The following DNAH3 variants were observed in gnomAD, a reference collection of about 807,000 sequenced individuals.
DNAH3 encodes dynein axonemal heavy chain 3, also known as axonemal beta dynein heavy chain 3.
Under a neutral mutation model 432.5 loss-of-function variants are expected in DNAH3, and 332 were observed. The observed-to-expected ratio is 0.77, with a 90% confidence interval of 0.70 to 0.84. DNAH3 has a LOEUF of 0.84. DNAH3 is among the 40% of genes least tolerant of loss of function. The pLI is 0.00. For missense variants in DNAH3, 4,861 were observed against 5,114.0 expected (o/e 0.95, Z 1.51); for synonymous variants, 1,956 against 1,900.2 (o/e 1.03, Z -0.76).
intron 44 of DNAH3, among the ~76,000 whole-genome samples, chr16:20,994,623 C>A (rs1415636659): frequency 6.6e-6 from 1 of 152,158 alleles, no homozygotes; most frequent in African/African-American, 2.4e-5. Context: ...AAAAATCATT[C>A]ATTCATTCAA....
intron 1 of DNAH3, among the ~76,000 whole-genome samples, chr16:21,147,202 C>T (rs1328714607): frequency 6.6e-6 from 1 of 151,628 alleles, no homozygotes; most frequent in Non-Finnish European, 1.5e-5. Flanking sequence ...AAGGAGGTGA[C>T]TTTAAAAACA....
intron 1 of DNAH3, among the ~76,000 whole-genome samples, chr16:21,156,205 T>TTTTATTTTA (rs1567889564): frequency 2.5e-4 from 34 of 135,668 alleles, no homozygotes; most frequent in African/African-American, 9.8e-4. Context: ...ATTTTATTTA[T>TTTTATTTTA]TTTATTTTAT....
intron 58 of DNAH3, among the ~76,000 whole-genome samples, chr16:20,943,572 C>T (rs1306308268): frequency 6.6e-6 from 1 of 152,136 alleles, no homozygotes; most frequent in East Asian, 1.9e-4. Flanking sequence ...CTCAAAAAGA[C>T]AGTTTCGGGT....
At chr16:20,953,691 C>T (rs1157237388) in intron 55 of DNAH3, among the ~76,000 whole-genome samples, 1 of 152,086 alleles carries the variant, frequency 6.6e-6, no homozygotes, top group Non-Finnish European at 1.5e-5. Flanking sequence ...CCCACCTCAG[C>T]CTCCCAAGTA....
intron 25 of DNAH3, 58 bp downstream of exon 25, chr16:21,062,424 C>A: frequency 6.9e-7 from 1 of 1,455,912 alleles, no homozygotes; most frequent in Non-Finnish European, 9.6e-7. Flanking sequence ...TTAGCCAATA[C>A]GCTCTCTGAT....
At chr16:20,976,956 C>G (rs546889740) in intron 50 of DNAH3, among the ~76,000 whole-genome samples, 4 of 152,344 alleles carry the variant, frequency 2.6e-5, no homozygotes, top group Admixed American at 2.6e-4. Context: ...GCAGCCCAAG[C>G]TGACTAAGAC....
chr16:21,036,818 C>T (rs762383248), exon 35 of DNAH3: 6 of 1,610,976 alleles, frequency 3.7e-6, no homozygotes, highest in South Asian at 2.2e-5. Flanking sequence ...TTTGGAAGAA[C>T]AACTCCAGGA....
chr16:21,099,276 A>G (rs988627936), intron 16 of DNAH3, among the ~76,000 whole-genome samples: 8 of 124,994 alleles, frequency 6.4e-5, no homozygotes, highest in Non-Finnish European at 1.1e-4. Context: ...ATGGATGGAC[A>G]GATGGATGGA....
intron 51 of DNAH3, among the ~76,000 whole-genome samples, chr16:20,973,722 C>T (rs903349228): frequency 6.6e-6 from 1 of 152,220 alleles, no homozygotes; most frequent in African/African-American, 2.4e-5. Flanking sequence ...TCCTCTCTGG[C>T]ACAAGAATCA....
intron 41 of DNAH3, 137 bp from the exon 42 acceptor site, chr16:21,003,344 T>G (rs1236251911): frequency 3.3e-6 from 2 of 604,884 alleles, no homozygotes; most frequent in Non-Finnish European, 5.8e-6. Flanking sequence ...GTGGTGAAAC[T>G]TATACATTGC....
chr16:21,049,560 C>G lies in DNAH3; in HGVS notation c.4461+9G>C. The G allele has an allele frequency of 6.2e-7, 1 of 1,612,902 alleles. No individual in the cohort carries two copies. Among genetic ancestry groups the G allele is most frequent in the Non-Finnish European group, 8.5e-7 (1 of 1,178,938 alleles). ...GCTTCTTTGTTCTGCAGCCTAGAGGCAGAGTTACCTCGATCCTGTTGAACT... is the reference window on the plus strand; with the variant it reads ...GCTTCTTTGTTCTGCAGCCTAGAGGGAGAGTTACCTCGATCCTGTTGAACT... On this transcript the variant is annotated intron_variant, in intron 31 of 61. Coordinates refer to ENST00000261383, the Ensembl canonical transcript of DNAH3.
intron 14 of DNAH3, among the ~76,000 whole-genome samples, chr16:21,109,243 G>A (rs568238850): frequency 2.6e-5 from 4 of 152,280 alleles, no homozygotes; most frequent in East Asian, 1.9e-4. Flanking sequence ...CAATGAATGA[G>A]AAAGCTGCTT....
chr16:21,116,890 T>C (rs2092216024), intron 12 of DNAH3, among the ~76,000 whole-genome samples: 1 of 152,232 alleles, frequency 6.6e-6, no homozygotes, highest in Non-Finnish European at 1.5e-5. Context: ...ACGCATTATG[T>C]TACTTTTATA....
intron 12 of DNAH3, among the ~76,000 whole-genome samples, chr16:21,114,897 T>C (rs1415179528): frequency 1.3e-5 from 2 of 152,196 alleles, no homozygotes; most frequent in African/African-American, 2.4e-5. Context: ...ACTGGGTATA[T>C]ACCCAAAGGA....
chr16:21,111,796 A>C, exon 14 of DNAH3: 1 of 1,613,158 alleles, frequency 6.2e-7, no homozygotes, highest in Non-Finnish European at 8.5e-7. Context: ...TCTTTATGGC[A>C]TTGATCTTCT....
chr16:21,115,184 T>C (rs1268767941), intron 12 of DNAH3, among the ~76,000 whole-genome samples: 2 of 151,978 alleles, frequency 1.3e-5, no homozygotes, highest in Non-Finnish European at 2.9e-5. Context: ...TAGATGGGAA[T>C]TGAACAATGA....
chr16:21,043,915 T>G, intron 31 of DNAH3, among the ~76,000 whole-genome samples: 2 of 120,180 alleles, frequency 1.7e-5, no homozygotes, highest in African/African-American at 3.2e-5. Flanking sequence ...CCCAGCACCA[T>G]TTATTAAATA....
chr16:21,029,115 C>T (rs2088736488), intron 37 of DNAH3, among the ~76,000 whole-genome samples: 1 of 152,230 alleles, frequency 6.6e-6, no homozygotes, highest in African/African-American at 2.4e-5. Flanking sequence ...TATTATGACT[C>T]TCTTGATACT....
intron 52 of DNAH3, 47 bp from the exon 53 acceptor site, chr16:20,965,472 A>G (rs2085015855): frequency 6.9e-7 from 1 of 1,446,482 alleles, no homozygotes; most frequent in African/African-American, 1.4e-5. Context: ...CATTCTGGCC[A>G]AGACTTAAAA....
Sources: gnomAD v4.1 joint callset for allele counts (sites outside exome capture counted in the v4.1 genomes callset) on GRCh38, gnomAD v4.1.1 for gene constraint, MANE v1.5 for transcripts, NCBI Gene and HGNC (gene_info 2026-07-23, HGNC 2026-07-21) for gene names.